The following CWF19L1 variants were observed in gnomAD, a reference collection of about 807,000 sequenced individuals.
CWF19L1 encodes CWF19-like protein 1.
A neutral mutation model predicts 69.7 loss-of-function variants in CWF19L1; 60 were observed. That is an observed-to-expected ratio of 0.86 (90% CI 0.70 to 1.07). CWF19L1 has a LOEUF of 1.07. Among genes scored for constraint, CWF19L1 ranks in the 50% least tolerant of loss-of-function variants. The probability of loss-of-function intolerance (pLI) is 0.00; values close to 1 mark genes in which losing one functional copy is unlikely to be tolerated. For synonymous variants in CWF19L1, 209 were observed against 222.2 expected, an observed-to-expected ratio of 0.94 and a Z score of 0.53; for missense variants, 591 against 638.9, an observed-to-expected ratio of 0.92 and a Z score of 0.81.
At chr10:100,266,533 T>G (rs974923326) in intron 1 of CWF19L1, among the ~76,000 whole-genome samples, 8 of 151,360 alleles carry the variant, frequency 5.3e-5, no homozygotes, top group African/African-American at 1.7e-4. Context: ...CCTTTTTTTT[T>G]AGACGGAGTC....
chr10:100,264,336 G>C (rs530058190), intron 1 of CWF19L1, among the ~76,000 whole-genome samples: 1 of 152,016 alleles, frequency 6.6e-6, no homozygotes, highest in East Asian at 1.9e-4. Context: ...ACAAGGTCAG[G>C]AGCTCGAGAC....
intron 4 of CWF19L1, among the ~76,000 whole-genome samples, chr10:100,257,931 C>T (rs1194792976): frequency 6.6e-6 from 1 of 152,056 alleles, no homozygotes; most frequent in African/African-American, 2.4e-5. Context: ...TACTCTTCAA[C>T]ACTGATACTC....
intron 10 of CWF19L1, among the ~76,000 whole-genome samples, chr10:100,239,571 G>A (rs1411592138): frequency 1.3e-5 from 2 of 152,046 alleles, no homozygotes; most frequent in African/African-American, 4.8e-5. Context: ...CCTGGAAGGC[G>A]GAGGTTACAG....
chr10:100,256,957 C>T (rs993612356), intron 4 of CWF19L1, among the ~76,000 whole-genome samples: 1 of 152,186 alleles, frequency 6.6e-6, no homozygotes, highest in African/African-American at 2.4e-5. Context: ...CAGCGTGTGC[C>T]TGTAGTCCCA....
chr10:100,246,728 CT>C, intron 8 of CWF19L1, 66 bp downstream of exon 8: 4 of 1,431,960 alleles, frequency 2.8e-6, no homozygotes, highest in Non-Finnish European at 3.8e-6. Context: ...TTAAACTTGT[CT>C]TATGTACTAA....
At chr10:100,258,413 C>A (rs923371677) in intron 4 of CWF19L1, among the ~76,000 whole-genome samples, 6 of 152,172 alleles carry the variant, frequency 3.9e-5, no homozygotes, top group African/African-American at 1.2e-4. Flanking sequence ...CCTTTCCTGG[C>A]ACTAAATTCA....
intron 7 of CWF19L1, among the ~76,000 whole-genome samples, chr10:100,247,755 G>A (rs538023336): frequency 1.3e-5 from 2 of 152,282 alleles, no homozygotes; most frequent in African/African-American, 4.8e-5. Context: ...GATTAGCCAG[G>A]CATGGTGGCA....
intron 9 of CWF19L1, among the ~76,000 whole-genome samples, chr10:100,244,604 C>G (rs1846749214): frequency 6.6e-6 from 1 of 152,168 alleles, no homozygotes. Context: ...ATCCGCCCAC[C>G]TCGGCCTCCC....
At chr10:100,267,493 G>A in intron 1 of CWF19L1, 78 bp downstream of exon 1, 1 of 1,612,808 alleles carries the variant, frequency 6.2e-7, no homozygotes, top group African/African-American at 1.3e-5. Context: ...CCCGTCATGG[G>A]AAAGACTCCC....
intron 1 of CWF19L1, 149 bp from the exon 2 acceptor site, chr10:100,262,212 C>G (rs1261308829): frequency 1.3e-5 from 18 of 1,356,440 alleles, no homozygotes; most frequent in Non-Finnish European, 1.6e-5. Context: ...AACCACTGGG[C>G]AGATCCACTG....
At chr10:100,258,687 CAAAT>C (rs1045740827) in intron 4 of CWF19L1, 13 of 152,152 alleles carry the variant, frequency 8.5e-5, no homozygotes, top group African/African-American at 2.6e-4. Context: ...AACAACAAAA[CAAAT>C]AAAGTCCTTC....
intron 1 of CWF19L1, chr10:100,262,621 G>T: frequency 4.5e-6 from 1 of 223,616 alleles, no homozygotes; most frequent in Non-Finnish European, 7.5e-6. Flanking sequence ...TTTATAATCA[G>T]GGAAAGGAAG....
chr10:100,248,852 T>C lies in CWF19L1; in HGVS notation c.708+1396A>G, dbSNP rs1846922621. On this transcript the variant is annotated intron_variant, in intron 7 of 13. Coordinates refer to ENST00000354105, the MANE Select transcript of CWF19L1 (RefSeq NM_018294.6). ...CGGGAAGCAGAGAGCACCAGATTTG[T>C]GGCAGAAAAGGCTGAGCAGCAGAAA... 4 of 1,159,824 alleles carry C rather than the reference T, an allele frequency of 3.4e-6. No homozygotes were observed. In the South Asian group the frequency reaches 4.9e-5, roughly 14 times the overall value. The allele number at this position is 1,159,824 out of a possible 1,614,324, so 71.8% of individuals were successfully genotyped here. A position where few individuals can be genotyped will look rare whatever the true frequency, so the allele number is the denominator to read the frequency against.
At chr10:100,252,851 CA>C (rs1009272898) in intron 6 of CWF19L1, among the ~76,000 whole-genome samples, 3 of 149,772 alleles carry the variant, frequency 2.0e-5, no homozygotes, top group Non-Finnish European at 3.0e-5. Flanking sequence ...AAAAAAAAGA[CA>C]AAAAAAAATT....
chr10:100,235,859 C>A, intron 12 of CWF19L1, 95 bp from the exon 13 acceptor site: 10 of 878,646 alleles, frequency 1.1e-5, no homozygotes, highest in Admixed American at 9.6e-5. Flanking sequence ...TCTAAATGCA[C>A]AAGAAAAAAA....
chr10:100,249,417 G>C (rs1419316458), intron 7 of CWF19L1, among the ~76,000 whole-genome samples: 6 of 152,146 alleles, frequency 3.9e-5, no homozygotes, highest in Non-Finnish European at 7.4e-5. Flanking sequence ...TTTTGGCCCT[G>C]GGAAATCAGA....
intron 4 of CWF19L1, chr10:100,258,509 A>G (rs571711459): frequency 6.6e-6 from 1 of 152,366 alleles, no homozygotes; most frequent in East Asian, 1.9e-4. Context: ...AGTCAGGCTC[A>G]TGTTAAAATC....
chr10:100,261,933 G>C, intron 2 of CWF19L1, 46 bp downstream of exon 2: 1 of 1,516,086 alleles, frequency 6.6e-7, no homozygotes, highest in Non-Finnish European at 8.9e-7. Context: ...ATTTTTATGT[G>C]TGACTACAAA....
At chr10:100,250,440 T>C (rs1846987971) in intron 6 of CWF19L1, 108 bp from the exon 7 acceptor site, 1 of 713,160 alleles carries the variant, frequency 1.4e-6, no homozygotes, top group Non-Finnish European at 2.5e-6. Context: ...GGTCCTCAGT[T>C]CATCATCGCC....
Sources: gnomAD v4.1 joint callset for allele counts (sites outside exome capture counted in the v4.1 genomes callset) on GRCh38, gnomAD v4.1.1 for gene constraint, MANE v1.5 for transcripts, NCBI Gene and HGNC (gene_info 2026-07-23, HGNC 2026-07-21) for gene names.